Variants in XIAP observed in about 807,000 individuals in gnomAD.
XIAP encodes E3 ubiquitin-protein ligase XIAP.
In XIAP, 3 loss-of-function variants were observed where a neutral mutation model predicts 33.1. That is an observed-to-expected ratio of 0.09 (90% confidence interval 0.04 to 0.23). XIAP has a LOEUF of 0.23. Among genes scored for constraint, XIAP ranks in the 10% least tolerant of loss-of-function variants. The pLI is 1.00. For missense variants in XIAP, 264 were observed against 363.0 expected (o/e 0.73, Z 2.22); for synonymous variants, 98 against 121.3 (o/e 0.81, Z 1.26).
chrX:123,860,333 C>T (rs1338793031), intron 1 of XIAP, 40 bp downstream of exon 1: 2 of 327,166 alleles, frequency 6.1e-6, no homozygotes, highest in South Asian at 2.6e-5. Flanking sequence ...CCCCCGCTTT[C>T]CCTCCTTCCC....
chrX:123,871,325 A>G (rs1006270938), intron 1 of XIAP, among the ~76,000 whole-genome samples: 1 of 111,392 alleles, frequency 9.0e-6, no homozygotes, highest in Non-Finnish European at 1.9e-5. Context: ...AGGGGTAGGT[A>G]TTACCTGCTT....
At chrX:123,887,047 G>A (rs1454938194) in intron 2 of XIAP, among the ~76,000 whole-genome samples, 1 of 112,092 alleles carries the variant, frequency 8.9e-6, no homozygotes, top group Admixed American at 9.5e-5. Flanking sequence ...AGCCTCCTGA[G>A]TAGCTGGGAT....
Position 123,912,691 on chromosome X carries a change from T to TG in XIAP, c.*5510_*5511insG, listed in dbSNP as rs1286199637. ...ATACATTATATGCAAATACTGTTTT[T>TG]TTTTTTTTTAATTTAAACAGTCTCA... On this transcript the variant is annotated 3_prime_UTR_variant, in exon 7 of 7. Transcript: ENST00000371199. The TG allele has an allele frequency of 3.1e-6, 1 of 322,202 alleles. No homozygotes were observed. The highest frequency in any genetic ancestry group is 2.7e-5 in the African/African-American group (1 of 36,995). The allele number at this position is 322,202 out of a possible 1,213,427, so 26.6% of individuals were successfully genotyped here.
At chrX:123,874,745 A>T (rs1236607184) in intron 1 of XIAP, among the ~76,000 whole-genome samples, 1 of 99,499 alleles carries the variant, frequency 1.0e-5, no homozygotes, top group East Asian at 3.2e-4. Context: ...CCCAGGCTTG[A>T]ATGCAGTGGC....
intron 1 of XIAP, among the ~76,000 whole-genome samples, chrX:123,860,859 G>A (rs1348173845): frequency 2.7e-5 from 3 of 111,337 alleles, no homozygotes; most frequent in Non-Finnish European, 5.6e-5. Flanking sequence ...CTAAGCAGTA[G>A]CCCTCTCCAC....
rs1157318369 is a variant in XIAP, at chrX:123,912,708, A to G, written c.*5527A>G. 2 of 324,639 alleles carry G rather than the reference A, an allele frequency of 6.2e-6. No homozygotes were observed. The highest frequency in any genetic ancestry group is 9.7e-5 in the East Asian group (1 of 10,269). The allele number at this position is 324,639 out of a possible 1,213,427, so 26.8% of individuals were successfully genotyped here. A position where few individuals can be genotyped will look rare whatever the true frequency, so the allele number is the denominator to read the frequency against. ...ACTGTTTTTTTTTTTTTTAATTTAA[A>G]CAGTCTCACTGTGTTGCCCAGGATG... On this transcript the variant is annotated 3_prime_UTR_variant, in exon 7 of 7. Transcript: ENST00000371199.
chrX:123,872,670 A>G (rs1426246468), intron 1 of XIAP: 2 of 111,090 alleles, frequency 1.8e-5, no homozygotes, highest in African/African-American at 6.6e-5. Flanking sequence ...CCTGGGTGAC[A>G]GAGCAAGACT....
rs1313810600 is a variant in XIAP at position 123,899,138 on chromosome X, A to T, written c.1100-1355A>T. On this transcript the variant is annotated intron_variant, in intron 5 of 6. Coordinates refer to ENST00000371199, the MANE Select transcript of XIAP (RefSeq NM_001167.4). Reference sequence around the variant, plus strand: ...ACGTCTCAAAAAAAAAAAAAAAAAAAAAAAAAATATATATATATATATATA... The same window carrying T: ...ACGTCTCAAAAAAAAAAAAAAAAAATAAAAAAATATATATATATATATATA... Among the ~76,000 whole-genome samples the T allele has an allele frequency of 2.3e-4, 17 of 72,569 alleles. 1 individual carries two copies. The highest frequency in any genetic ancestry group is 8.2e-4 in the African/African-American group (15 of 18,391). 63.0% of individuals were successfully genotyped at this position (72,569 alleles called of 115,157 possible).
intron 1 of XIAP, chrX:123,872,498 G>C (rs1316441250): frequency 9.1e-6 from 1 of 110,175 alleles, no homozygotes; most frequent in African/African-American, 3.3e-5. Context: ...AGAACAGTCT[G>C]GCCAACATGA....
intron 1 of XIAP, among the ~76,000 whole-genome samples, chrX:123,885,100 C>G (rs770175206): frequency 8.9e-6 from 1 of 111,736 alleles, no homozygotes; most frequent in South Asian, 3.6e-4. Context: ...ATATTTCATA[C>G]TCTTAAAGAA....
rs1338271395 is a variant in XIAP at position 123,913,554 on chromosome X, G to T, written c.*6373G>T. 1 of 326,919 alleles carries T rather than the reference G, an allele frequency of 3.1e-6. No homozygotes were observed. Among genetic ancestry groups the T allele is most frequent in the Admixed American group, 3.1e-5 (1 of 31,789 alleles). 26.9% of individuals were successfully genotyped at this position (326,919 alleles called of 1,213,427 possible). ...TTCTACTTTGAATCTGAAGTTTGCAGATATGCCTATAGATTTTTGGAGTTT... is the reference window on the plus strand; with the variant it reads ...TTCTACTTTGAATCTGAAGTTTGCATATATGCCTATAGATTTTTGGAGTTT... On this transcript the variant is annotated 3_prime_UTR_variant, in exon 7 of 7. Transcript: ENST00000371199.
At chrX:123,882,896 A>G (rs1038290814) in intron 1 of XIAP, among the ~76,000 whole-genome samples, 2 of 111,194 alleles carry the variant, frequency 1.8e-5, no homozygotes, top group African/African-American at 3.3e-5. Flanking sequence ...CTCCTGCCTC[A>G]GCCTCCCAAG....
At chrX:123,873,928 C>A (rs1043124227) in intron 1 of XIAP, 1 of 100,352 alleles carries the variant, frequency 1.0e-5, no homozygotes, top group Non-Finnish European at 2.0e-5. Context: ...AGCAAGAGTC[C>A]GTCTGAAAAA....
chrX:123,904,625 T>C (rs1057115593), intron 6 of XIAP, among the ~76,000 whole-genome samples: 9 of 111,785 alleles, frequency 8.1e-5, no homozygotes, highest in Admixed American at 7.6e-4. Context: ...TATTTTGTTT[T>C]GTTTTGTTTT....
rs753415949 is a variant in XIAP, at chrX:123,900,589, T to G, written c.1196T>G (p.Ile399Arg). ...IKKIMEEKIQISGSNYKSLEV... is the reference protein window; with the variant it reads ...IKKIMEEKIQRSGSNYKSLEV... ...AAAATAATGGAGGAAAAAATTCAGA[T>G]ATCTGGGAGCAACTATAAATCACTT... Residue 399 changes from isoleucine (I) to arginine (R), a missense_variant, in exon 6 of 7, where the codon ATA becomes AGA. By Grantham distance (97) the Ile-to-Arg change is moderately conservative. Coordinates refer to ENST00000371199, the MANE Select transcript of XIAP (RefSeq NM_001167.4). 1.4e-5 allele frequency: 17 copies of G among 1,209,541 alleles called. No individual in the cohort carries two copies. The East Asian group carries it at 5.0e-4, about 36-fold the overall frequency.
chrX:123,901,675 A>G (rs1192737995), intron 6 of XIAP, among the ~76,000 whole-genome samples: 1 of 112,054 alleles, frequency 8.9e-6, no homozygotes, highest in Non-Finnish European at 1.9e-5. Flanking sequence ...AACAGTATGA[A>G]CATTAATGAT....
In XIAP at chrX:123,909,318, A is replaced by G. The variant is rs894640902; in HGVS notation, c.*2137A>G. The G allele has an allele frequency of 6.1e-6, 2 of 327,685 alleles. No homozygotes were observed. Among genetic ancestry groups the G allele is most frequent in the African/African-American group, 5.3e-5 (2 of 37,624 alleles). 27.0% of individuals were successfully genotyped at this position (327,685 alleles called of 1,213,427 possible). ...AGTGCTGGGATTACAGGCTTGAGCCACCACGCCCGGCTAAAACATTGCAAA... is the reference window on the plus strand; with the variant it reads ...AGTGCTGGGATTACAGGCTTGAGCCGCCACGCCCGGCTAAAACATTGCAAA... On this transcript the variant is annotated 3_prime_UTR_variant, in exon 7 of 7. Transcript: ENST00000371199.
rs757760651 is a variant in XIAP, at chrX:123,890,607, T to A, written c.978-631T>A. ...GCCACTGCACTCGGCGCCACTGCACTCCAGCCTGGGCGACAGAGTGAGACA... is the reference window on the plus strand; with the variant it reads ...GCCACTGCACTCGGCGCCACTGCACACCAGCCTGGGCGACAGAGTGAGACA... On this transcript the variant is annotated intron_variant, in intron 3 of 6. Transcript: ENST00000371199. Among the ~76,000 whole-genome samples, 25 of 95,574 alleles carry A rather than the reference T, an allele frequency of 2.6e-4. No homozygotes were observed. In the East Asian group the frequency reaches 7.9e-3, roughly 30 times the overall value. 83.0% of individuals were successfully genotyped at this position (95,574 alleles called of 115,157 possible). A position where few individuals can be genotyped will look rare whatever the true frequency, so the allele number is the denominator to read the frequency against.
At chrX:123,878,641 T>C (rs999088427) in intron 1 of XIAP, 4 of 113,326 alleles carry the variant, frequency 3.5e-5, no homozygotes, top group Admixed American at 9.5e-5. Context: ...CTGGAGCATA[T>C]GTTTCAAATT....
Sources: allele counts gnomAD v4.1 joint callset (sites outside exome capture counted in the v4.1 genomes callset), GRCh38; gene constraint gnomAD v4.1.1; transcripts MANE v1.5; gene names NCBI Gene and HGNC (gene_info 2026-07-23, HGNC 2026-07-21).